Variants in ZFP91 observed in about 807,000 individuals in gnomAD.
ZFP91 encodes ZFP91 zinc finger protein, atypical E3 ubiquitin ligase.
A neutral mutation model predicts 63.5 loss-of-function variants in ZFP91; 7 were observed. The observed-to-expected ratio is 0.11, with a 90% CI of 0.06 to 0.21. The LOEUF is 0.21. ZFP91 is among the 10% of genes least tolerant of loss of function. The pLI is 1.00. For missense variants in ZFP91, 628 were observed against 736.6 expected, an observed-to-expected ratio of 0.85 and a Z score of 1.71; for synonymous variants, 330 against 272.1, an observed-to-expected ratio of 1.21 and a Z score of -2.10.
At position 58,579,560 on chromosome 11, in the gene ZFP91, G is replaced by A; in HGVS notation, c.279G>A (p.Gly93=). Reference sequence around the variant, plus strand: ...GCGCCAGGCCTCCCGACGTCCCCGGGCAGCAGCCCCAGGCCGCGAAGTCCC... The same window carrying A: ...GCGCCAGGCCTCCCGACGTCCCCGGACAGCAGCCCCAGGCCGCGAAGTCCC... The part of the protein sequence containing the change: ...SPSARPPDVP[G]QQPQAAKSPS... The change falls in exon 1 of 11, where the codon GGG becomes GGA. Residue 93 remains glycine (G), a synonymous_variant. Transcript: ENST00000316059. 2.5e-6 allele frequency: 4 copies of A among 1,584,822 alleles called. No individual in the cohort carries two copies. Among genetic ancestry groups the A allele is most frequent in the Non-Finnish European group, 3.4e-6 (4 of 1,168,950 alleles).
At chr11:58,616,864 T>G (rs1855756811) in intron 10 of ZFP91, 49 bp downstream of exon 10, 1 of 1,553,580 alleles carries the variant, frequency 6.4e-7, no homozygotes, top group Non-Finnish European at 8.9e-7. Context: ...ATATATGCCC[T>G]ACTTGAAGGT....
chr11:58,602,084 G>A (rs764837980), intron 2 of ZFP91, among the ~76,000 whole-genome samples: 1 of 151,988 alleles, frequency 6.6e-6, no homozygotes, highest in African/African-American at 2.4e-5. Flanking sequence ...CACCATGCCC[G>A]GCTAATTTTT....
chr11:58,606,744 C>T (rs949917800), intron 2 of ZFP91, among the ~76,000 whole-genome samples: 2 of 152,026 alleles, frequency 1.3e-5, no homozygotes, highest in African/African-American at 2.4e-5. Context: ...CTGGTCCTTT[C>T]GCTTATATTC....
rs1234668704 is a variant in ZFP91, at chr11:58,579,472, C to G, written c.191C>G (p.Ala64Gly). ...RDRGRAAAAA[A>G]AAAVSRRRKA... Reference sequence around the variant, plus strand: ...CGAGGCCGGGCCGCTGCGGCCGCCGCCGCCGCAGCTGTGTCCCGCCGGAGG... The same window carrying G: ...CGAGGCCGGGCCGCTGCGGCCGCCGGCGCCGCAGCTGTGTCCCGCCGGAGG... The change falls in exon 1 of 11, where the codon GCC becomes GGC. Residue 64 changes from alanine to glycine, a missense_variant. Ala to Gly is a moderately conservative substitution (Grantham distance 60). Coordinates refer to ENST00000316059, the MANE Select transcript of ZFP91 (RefSeq NM_053023.5). The G allele has an allele frequency of 4.1e-6, 6 of 1,475,636 alleles. No homozygotes were observed. Among genetic ancestry groups the G allele is most frequent in the African/African-American group, 3.0e-5 (2 of 67,376 alleles). The allele number at this position is 1,475,636 out of a possible 1,614,324, so 91.4% of individuals were successfully genotyped here. A position where few individuals can be genotyped will look rare whatever the true frequency, so the allele number is the denominator to read the frequency against.
At chr11:58,614,510 C>T (rs1319744121) in intron 9 of ZFP91, among the ~76,000 whole-genome samples, 167 bp downstream of exon 9, 4 of 152,122 alleles carry the variant, frequency 2.6e-5, no homozygotes, top group Admixed American at 1.3e-4. Context: ...AAGGGATGGG[C>T]AGACTAGGAC....
At position 58,579,136 on chromosome 11, in the gene ZFP91, C is replaced by CGGGCGGAGGGGAGGGGGGAAAGAG. The variant is rs1855028772; in HGVS notation, c.-144_-121dup. 14 of 529,700 alleles carry CGGGCGGAGGGGAGGGGGGAAAGAG rather than the reference C, an allele frequency of 2.6e-5. No individual in the cohort carries two copies. The highest frequency in any genetic ancestry group is 3.6e-5 in the Non-Finnish European group (14 of 394,020). 32.8% of individuals were successfully genotyped at this position (529,700 alleles called of 1,614,324 possible). On this transcript the variant is annotated 5_prime_UTR_variant, in exon 1 of 11. Transcript: ENST00000316059. ...GGGGTGGGGGGGGCGCCCTCGGAGCCGGGCGGAGGGGAGGGGGGAAAGAGG... is the reference window on the plus strand; with the variant it reads ...GGGGTGGGGGGGGCGCCCTCGGAGCCGGGCGGAGGGGAGGGGGGAAAGAGGGGCGGAGGGGAGGGGGGAAAGAGG...
In ZFP91 at chr11:58,618,664, C is replaced by T. The variant is rs544525396; in HGVS notation, c.*958C>T. On this transcript the variant is annotated 3_prime_UTR_variant, in exon 11 of 11. Coordinates refer to ENST00000316059, the MANE Select transcript of ZFP91 (RefSeq NM_053023.5). ...TTTTGACATGGGATCCCTTCCATAA[C>T]AGGTACTTTGAAGGCAAGACATAGG... 3 of 456,446 alleles carry T rather than the reference C, an allele frequency of 6.6e-6. No individual in the cohort carries two copies. Among genetic ancestry groups the T allele is most frequent in the Non-Finnish European group, 1.3e-5 (3 of 226,888 alleles). The allele number at this position is 456,446 out of a possible 1,614,324, so 28.3% of individuals were successfully genotyped here.
At chr11:58,603,689 A>G (rs780908238) in intron 2 of ZFP91, among the ~76,000 whole-genome samples, 19 of 152,280 alleles carry the variant, frequency 1.2e-4, no homozygotes, top group East Asian at 1.2e-3. Flanking sequence ...TGGCAGGGCT[A>G]TTTCCCCAGT....
chr11:58,579,368 CCAA>C lies in ZFP91; in HGVS notation c.92_94del (p.Gln31del). 2 of 1,491,252 alleles carry C rather than the reference CCAA, an allele frequency of 1.3e-6. No homozygotes were observed. The highest frequency in any genetic ancestry group is 1.3e-5 in the South Asian group (1 of 79,068). 92.4% of individuals were successfully genotyped at this position (1,491,252 alleles called of 1,614,324 possible). ...CGGCCAAGGCGGCTCCGGAGGAGCC[CCAA>C]CAACGGCCCCCTGAGGCGGTCGCGG... On this transcript the variant is annotated inframe_deletion, in exon 1 of 11. Transcript: ENST00000316059.
chr11:58,596,112 C>T (rs953548767), intron 2 of ZFP91, among the ~76,000 whole-genome samples: 8 of 151,926 alleles, frequency 5.3e-5, no homozygotes, highest in African/African-American at 1.9e-4. Context: ...TGTATTATAT[C>T]CTGTATTCTT....
intron 2 of ZFP91, among the ~76,000 whole-genome samples, chr11:58,596,465 TC>T (rs1855405582): frequency 6.6e-6 from 1 of 152,238 alleles, no homozygotes; most frequent in African/African-American, 2.4e-5. Context: ...TAAAAGGAAG[TC>T]AAAAGCAGTC....
At chr11:58,600,311 A>T (rs1299840516) in intron 2 of ZFP91, among the ~76,000 whole-genome samples, 1 of 152,004 alleles carries the variant, frequency 6.6e-6, no homozygotes, top group African/African-American at 2.4e-5. Flanking sequence ...TCAATATTTT[A>T]TTCCTTTTTA....
intron 2 of ZFP91, among the ~76,000 whole-genome samples, chr11:58,598,027 A>G (rs886501656): frequency 6.6e-6 from 1 of 152,142 alleles, no homozygotes; most frequent in Non-Finnish European, 1.5e-5. Context: ...TCAGGTGGTG[A>G]TGATTATCCT....
chr11:58,594,073 C>G (rs1198440726), intron 2 of ZFP91, among the ~76,000 whole-genome samples: 1 of 152,176 alleles, frequency 6.6e-6, no homozygotes. Context: ...CTGCAGCCAA[C>G]ATGAACATTA....
intron 2 of ZFP91, among the ~76,000 whole-genome samples, chr11:58,597,099 G>T (rs1248889020): frequency 1.3e-5 from 2 of 152,046 alleles, no homozygotes; most frequent in Non-Finnish European, 2.9e-5. Context: ...AACTGGCAAG[G>T]TACTTTTTTA....
At chr11:58,608,078 T>TAC (rs753738071) in intron 2 of ZFP91, among the ~76,000 whole-genome samples, 146 of 151,098 alleles carry the variant, frequency 9.7e-4, no homozygotes, top group Middle Eastern at 3.5e-3. Context: ...TATATATATA[T>TAC]ACACACACAC....
rs1156346013 is a variant in ZFP91 at position 58,619,441 on chromosome 11, C to T, written c.*1735C>T. 2 of 151,350 alleles carry T rather than the reference C, an allele frequency of 1.3e-5. No individual in the cohort carries two copies. Among genetic ancestry groups the T allele is most frequent in the Non-Finnish European group, 2.9e-5 (2 of 67,904 alleles). 9.4% of individuals were successfully genotyped at this position (151,350 alleles called of 1,614,324 possible). ...GCTTACCCTATTCATTGTTTATTGT[C>T]AGAAATGCATGATGGCTCTTGGAAA... On this transcript the variant is annotated 3_prime_UTR_variant, in exon 11 of 11. Transcript: ENST00000316059.
rs184615616 is a variant in ZFP91, at chr11:58,598,427, A to G, written c.371-11403A>G. Among the ~76,000 whole-genome samples, 40 of 152,240 alleles carry G rather than the reference A, an allele frequency of 2.6e-4. No homozygotes were observed. The East Asian group carries it at 7.7e-3, about 29-fold the overall frequency. The stretch of plus-strand genomic sequence containing the variant: ...TTTTAAAAAACTGGCGTATGAATGG[A>G]TCCATGCAGTTCAAAGCTTTGTTGT... On this transcript the variant is annotated intron_variant, in intron 2 of 10. Transcript: ENST00000316059.
At chr11:58,593,827 G>T (rs1439655981) in intron 2 of ZFP91, among the ~76,000 whole-genome samples, 4 of 152,140 alleles carry the variant, frequency 2.6e-5, no homozygotes, top group African/African-American at 7.2e-5. Flanking sequence ...CAGTCCAATT[G>T]TTCAAGTCAG....
Sources: allele counts gnomAD v4.1 joint callset (sites outside exome capture counted in the v4.1 genomes callset), GRCh38; gene constraint gnomAD v4.1.1; transcripts MANE v1.5; gene names NCBI Gene and HGNC (gene_info 2026-07-23, HGNC 2026-07-21).